SPMIP4: variants seen among roughly 807,000 people sequenced by gnomAD.
The protein encoded by SPMIP4 is sperm-associated microtubule inner protein 4.
chr7:25,169,534 A>G, the SPMIP4 span, among the ~76,000 whole-genome samples: 6 of 152,138 alleles, frequency 3.9e-5, no homozygotes, highest in Non-Finnish European at 8.8e-5. Flanking sequence ...AGGTTCATCC[A>G]TTTTGTAGTA....
the SPMIP4 span, among the ~76,000 whole-genome samples, chr7:25,167,008 T>C: frequency 1.3e-5 from 2 of 152,260 alleles, no homozygotes; most frequent in African/African-American, 4.8e-5. Context: ...CATTTTGAAG[T>C]AGATCATCCT....
the SPMIP4 span, among the ~76,000 whole-genome samples, chr7:25,139,581 T>C: frequency 6.6e-6 from 1 of 152,194 alleles, no homozygotes; most frequent in African/African-American, 2.4e-5. Context: ...CTTAGGAACA[T>C]CCTTTTGAAA....
chr7:25,125,873 T>A, the SPMIP4 span: 1 of 980,748 alleles, frequency 1.0e-6, no homozygotes, highest in African/African-American at 1.7e-5. Flanking sequence ...TAGTTCCACC[T>A]ATACTCTGTT....
the SPMIP4 span, among the ~76,000 whole-genome samples, chr7:25,147,435 G>C: frequency 2.0e-5 from 3 of 152,170 alleles, no homozygotes; most frequent in Non-Finnish European, 2.9e-5. Flanking sequence ...CGAATAGAGT[G>C]ATAAGTACAA....
At chr7:25,127,219 A>G in the SPMIP4 span, among the ~76,000 whole-genome samples, 2 of 151,952 alleles carry the variant, frequency 1.3e-5, no homozygotes, top group Non-Finnish European at 2.9e-5. Flanking sequence ...TTGAATATTG[A>G]TATCTTTCTC....
the SPMIP4 span, among the ~76,000 whole-genome samples, chr7:25,141,134 T>G: frequency 3.9e-5 from 6 of 152,338 alleles, no homozygotes; most frequent in East Asian, 1.2e-3. Context: ...TTCCAGGCCA[T>G]TTCGCATAAT....
chr7:25,158,937 G>C, the SPMIP4 span, among the ~76,000 whole-genome samples: 1 of 151,852 alleles, frequency 6.6e-6, no homozygotes, highest in Admixed American at 6.6e-5. Context: ...TTAACTTTCT[G>C]GATTCCTGAA....
chr7:25,126,993 T>C, the SPMIP4 span, among the ~76,000 whole-genome samples: 2 of 152,226 alleles, frequency 1.3e-5, no homozygotes, highest in Non-Finnish European at 2.9e-5. Flanking sequence ...CTCAGCACTT[T>C]AAATATGTAA....
the SPMIP4 span, among the ~76,000 whole-genome samples, chr7:25,169,470 A>C: frequency 6.6e-6 from 1 of 152,174 alleles, no homozygotes; most frequent in Non-Finnish European, 1.5e-5. Flanking sequence ...AAGTAGAATA[A>C]TGTAACACGT....
chr7:25,133,824 C>T, the SPMIP4 span, among the ~76,000 whole-genome samples: 1 of 152,180 alleles, frequency 6.6e-6, no homozygotes, highest in Non-Finnish European at 1.5e-5. Context: ...TAGAACATTT[C>T]AGCTTATCCA....
At chr7:25,130,253 CAA>C in the SPMIP4 span, among the ~76,000 whole-genome samples, 1 of 135,658 alleles carries the variant, frequency 7.4e-6, no homozygotes, top group Non-Finnish European at 1.6e-5. Flanking sequence ...CTCAAAAAAA[CAA>C]AAAAGAAAGA....
At chr7:25,136,994 T>G in the SPMIP4 span, among the ~76,000 whole-genome samples, 1 of 152,154 alleles carries the variant, frequency 6.6e-6, no homozygotes, top group Admixed American at 6.6e-5. This position sits in a 1 kb window ranked among gnomAD's most constrained non-coding sequence, Gnocchi z 5.7. Flanking sequence ...TTTTAGAGAG[T>G]ATGAAAGGGG....
At chr7:25,164,659 G>C in the SPMIP4 span, among the ~76,000 whole-genome samples, 1 of 145,316 alleles carries the variant, frequency 6.9e-6, no homozygotes, top group African/African-American at 2.7e-5. Context: ...ATAGTTTTTG[G>C]GGAACAGGTG....
chr7:25,164,385 T>C, the SPMIP4 span, among the ~76,000 whole-genome samples: 6 of 152,216 alleles, frequency 3.9e-5, no homozygotes, highest in East Asian at 5.8e-4. Flanking sequence ...TACACAATGA[T>C]GGGGGAAAGG....
chr7:25,135,979 T>C, the SPMIP4 span: 6 of 1,589,228 alleles, frequency 3.8e-6, no homozygotes, highest in Non-Finnish European at 5.1e-6. Context: ...ATCTCAATTA[T>C]AGAAATAATA....
At chr7:25,156,549 A>AT in the SPMIP4 span, among the ~76,000 whole-genome samples, 27 of 152,178 alleles carry the variant, frequency 1.8e-4, no homozygotes, top group Non-Finnish European at 3.1e-4. Flanking sequence ...CTGAAACACA[A>AT]TTTTTTAAAT....
At chr7:25,155,290 A>G in the SPMIP4 span, 10 of 1,080,378 alleles carry the variant, frequency 9.3e-6, no homozygotes, top group Non-Finnish European at 1.2e-5. Flanking sequence ...CCTTTTTTAA[A>G]TGGCAGAAAC....
the SPMIP4 span, among the ~76,000 whole-genome samples, chr7:25,138,670 T>C: frequency 6.6e-6 from 1 of 152,252 alleles, no homozygotes; most frequent in Non-Finnish European, 1.5e-5. The surrounding 1 kb of genome is among the most constrained non-coding windows in gnomAD (Gnocchi z 6.2). Flanking sequence ...AAAACCCTCA[T>C]ACATTTCTGG....
chr7:25,137,790 A>G, the SPMIP4 span, among the ~76,000 whole-genome samples: 2 of 152,162 alleles, frequency 1.3e-5, no homozygotes, highest in Admixed American at 6.5e-5. Flanking sequence ...AAATGACCCT[A>G]TTTCCAAATA....
Sources: gnomAD v4.1 joint callset for allele counts (sites outside exome capture counted in the v4.1 genomes callset) on GRCh38, gnomAD v4.1.1 for gene constraint, Gnocchi (gnomAD v3.1) non-coding constraint, MANE v1.5 for transcripts, NCBI Gene and HGNC (gene_info 2026-07-23, HGNC 2026-07-21) for gene names.